ESR1: variants seen among roughly 807,000 people sequenced by gnomAD.
ESR1 encodes the protein estrogen receptor 1.
In ESR1, 12 loss-of-function variants were observed where a neutral mutation model predicts 52.7. The observed-to-expected ratio is 0.23, with a 90% confidence interval of 0.15 to 0.37. The LOEUF (loss-of-function observed/expected upper bound fraction) is 0.37. Ranked by LOEUF, ESR1 falls within the 10% of genes least tolerant of loss-of-function variation. The pLI is 1.00. For missense variants in ESR1, 584 were observed against 779.7 expected (o/e 0.75, Z 2.99); for synonymous variants, 305 against 316.8 (o/e 0.96, Z 0.39).
At chr6:151,874,614 T>G (rs2128316869) in intron 2 of ESR1, among the ~76,000 whole-genome samples, 1 of 152,360 alleles carries the variant, frequency 6.6e-6, no homozygotes, top group South Asian at 2.1e-4. Context: ...ATTCAACTGT[T>G]AAGCCAGGAG....
intron 6 of ESR1, among the ~76,000 whole-genome samples, chr6:152,065,933 G>T (rs556341834): frequency 6.6e-6 from 1 of 152,318 alleles, no homozygotes; most frequent in Admixed American, 6.5e-5. Context: ...AATACCCAAG[G>T]TGCAAAGTTA....
At chr6:151,701,529 C>CAAAAAAAAAAAAAAA (rs57589542) in intron 1 of ESR1, among the ~76,000 whole-genome samples, 4 of 89,422 alleles carry the variant, frequency 4.5e-5, no homozygotes, top group South Asian at 4.6e-4. Context: ...CACTACATCT[C>CAAAAAAAAAAAAAAA]AAAAAAAAAA....
upstream of ESR1, among the ~76,000 whole-genome samples, chr6:151,686,813 G>A (rs1056484285): frequency 1.3e-5 from 2 of 152,164 alleles, no homozygotes; most frequent in Non-Finnish European, 2.9e-5. Flanking sequence ...GACCACCAGA[G>A]GTGCCCTTGG....
chr6:151,798,580 T>G (rs1018571611), intron 2 of ESR1, among the ~76,000 whole-genome samples: 1 of 152,232 alleles, frequency 6.6e-6, no homozygotes, highest in Non-Finnish European at 1.5e-5. Flanking sequence ...CAATAATCTT[T>G]CCAGTTCTTT....
At chr6:151,737,373 A>C (rs1782759694) in intron 2 of ESR1, among the ~76,000 whole-genome samples, 1 of 152,198 alleles carries the variant, frequency 6.6e-6, no homozygotes. Context: ...TTCAAGTCCC[A>C]TTAATGCAAG....
chr6:151,678,434 C>T (rs1311120715), intron 1 of ESR1, among the ~76,000 whole-genome samples: 1 of 151,242 alleles, frequency 6.6e-6, no homozygotes. Context: ...GATTGTGCCA[C>T]TGCACTCCAG....
chr6:152,102,514 C>G lies in ESR1; in HGVS notation c.*3548C>G, dbSNP rs1233609305. On this transcript the variant is annotated 3_prime_UTR_variant, in exon 8 of 8. Coordinates refer to ENST00000206249, the MANE Select transcript of ESR1 (RefSeq NM_000125.4). The stretch of plus-strand genomic sequence containing the variant: ...TTGGTGCAGGTCTTGGGAGCGTGAT[C>G]TAGATTACACTGCACCATTCCCAAG... The G allele has an allele frequency of 4.7e-6, 1 of 210,582 alleles. No individual in the cohort carries two copies. The highest frequency in any genetic ancestry group is 9.6e-6 in the Non-Finnish European group (1 of 103,712). 13.0% of individuals were successfully genotyped at this position (210,582 alleles called of 1,614,324 possible).
chr6:151,833,336 C>T (rs909281312), intron 1 of ESR1, among the ~76,000 whole-genome samples: 4 of 152,106 alleles, frequency 2.6e-5, no homozygotes, highest in Non-Finnish European at 4.4e-5. Flanking sequence ...CTGTGAATGC[C>T]CTAAGATTAT....
At chr6:152,016,620 C>T (rs962737233) in intron 5 of ESR1, among the ~76,000 whole-genome samples, 1 of 152,080 alleles carries the variant, frequency 6.6e-6, no homozygotes, top group East Asian at 1.9e-4. Flanking sequence ...TATGTCTTTG[C>T]CCTACAGGTT....
chr6:152,018,029 T>C (rs1289811534), intron 5 of ESR1, among the ~76,000 whole-genome samples: 1 of 152,160 alleles, frequency 6.6e-6, no homozygotes, highest in Non-Finnish European at 1.5e-5. Flanking sequence ...GTTGTTGCTC[T>C]AGTTCTTTCC....
At chr6:151,936,267 C>G (rs1279990821) in intron 3 of ESR1, 1 of 152,162 alleles carries the variant, frequency 6.6e-6, no homozygotes, top group Non-Finnish European at 1.5e-5. Flanking sequence ...ATAGTTCATT[C>G]TAAGGCTTGG....
At chr6:151,851,212 G>C (rs1786636232) in intron 2 of ESR1, among the ~76,000 whole-genome samples, 1 of 152,066 alleles carries the variant, frequency 6.6e-6, no homozygotes. Context: ...TTTCTTTGCT[G>C]GGAATTTCTT....
intron 2 of ESR1, among the ~76,000 whole-genome samples, chr6:151,750,830 T>A (rs915566533): frequency 3.3e-5 from 5 of 152,184 alleles, no homozygotes; most frequent in Admixed American, 6.5e-5. Flanking sequence ...TTCTCACAAA[T>A]GAAAACAAAA....
At chr6:151,892,926 C>T (rs573171691) in intron 3 of ESR1, among the ~76,000 whole-genome samples, 54 of 152,280 alleles carry the variant, frequency 3.5e-4, no homozygotes, top group African/African-American at 1.3e-3. Flanking sequence ...TGATGGCTCA[C>T]GCCTGTAATC....
rs1197786544 is a variant in ESR1 at position 152,094,118 on chromosome 6, A to G, written c.1370-267A>G. ...CTGAGAAAAGGTGGCCCATGTTACC[A>G]TGACAGGCCCCAAGGCTAACAGCCC... is the stretch of plus-strand genomic sequence containing the variant. On this transcript the variant is annotated intron_variant, in intron 6 of 7. Transcript: ENST00000206249. This position sits in a 1 kb window ranked among gnomAD's most constrained non-coding sequence, Gnocchi z 4.6. 1.3e-5 allele frequency among the ~76,000 whole-genome samples: 2 copies of G among 152,196 alleles called. No individual in the cohort carries two copies. The highest frequency in any genetic ancestry group is 1.3e-4 in the Admixed American group (2 of 15,280).
chr6:152,023,161 T>C (rs1315786206), intron 5 of ESR1, among the ~76,000 whole-genome samples: 1 of 152,044 alleles, frequency 6.6e-6, no homozygotes. Flanking sequence ...TAAATCTAAG[T>C]ATAATTTATA....
chr6:152,076,872 T>G (rs930188464), intron 6 of ESR1, among the ~76,000 whole-genome samples: 6 of 152,166 alleles, frequency 3.9e-5, no homozygotes, highest in African/African-American at 4.8e-5. Flanking sequence ...TTAAAACCAT[T>G]CTGTTTTAAA....
chr6:151,799,527 A>G (rs202210390), upstream of ESR1, among the ~76,000 whole-genome samples: 1 of 152,196 alleles, frequency 6.6e-6, no homozygotes, highest in Non-Finnish European at 1.5e-5. Flanking sequence ...TTCAAATAGT[A>G]TTTGTTGGGG....
Position 151,667,986 on chromosome 6 carries a change from A to T in ESR1, n.73+11223A>T, listed in dbSNP as rs914792026. Reference sequence around the variant, plus strand: ...TGAAGAGAAAAATCAGACTCCAAGGATCATATAATCTGATTGTGGAAGAAA... The same window carrying T: ...TGAAGAGAAAAATCAGACTCCAAGGTTCATATAATCTGATTGTGGAAGAAA... On this transcript the variant is annotated intron_variant and non_coding_transcript_variant, in intron 1 of 2. Coordinates refer to the ESR1 transcript ENST00000473497. 2.0e-5 allele frequency among the ~76,000 whole-genome samples: 3 copies of T among 152,242 alleles called. No homozygotes were observed. The South Asian group carries it at 6.2e-4, about 32-fold the overall frequency.
Sources: allele counts gnomAD v4.1 joint callset (sites outside exome capture counted in the v4.1 genomes callset), GRCh38; gene constraint gnomAD v4.1.1; non-coding constraint Gnocchi (gnomAD v3.1); transcripts MANE v1.5; gene names NCBI Gene and HGNC (gene_info 2026-07-23, HGNC 2026-07-21).